Variants in NBAS observed in about 807,000 individuals in gnomAD.
NBAS encodes the protein NBAS subunit of NRZ tethering complex, also known as NAG/BC035112 fusion.
Under a neutral mutation model 302.5 loss-of-function variants are expected in NBAS, and 219 were observed. The ratio of observed to expected loss-of-function variants is 0.72; its 90% confidence interval spans 0.65 to 0.81. The LOEUF (loss-of-function observed/expected upper bound fraction) is 0.81, where lower values mean the gene tolerates loss of function less well. Among genes scored for constraint, NBAS ranks in the 30% least tolerant of loss-of-function variants. The probability of loss-of-function intolerance (pLI) is 0.00; values close to 1 mark genes in which losing one functional copy is unlikely to be tolerated. For missense variants in NBAS, 2,932 were observed against 2,841.6 expected, an observed-to-expected ratio of 1.03 and a Z score of -0.72; for synonymous variants, 1,118 against 1,021.6, an observed-to-expected ratio of 1.09 and a Z score of -1.80.
the NBAS span, among the ~76,000 whole-genome samples, chr2:15,152,297 C>T: frequency 6.6e-5 from 10 of 152,196 alleles, no homozygotes; most frequent in Admixed American, 2.0e-4. Flanking sequence ...GAGTGGCGTC[C>T]GTACCCAAGA....
chr2:15,149,247 C>T, the NBAS span, among the ~76,000 whole-genome samples: 1 of 152,184 alleles, frequency 6.6e-6, no homozygotes, highest in South Asian at 2.1e-4. Flanking sequence ...ACTCCATATG[C>T]CCTCTTGCCC....
Position 15,424,467 on chromosome 2 carries a change from T to C in NBAS, c.2425A>G (p.Met809Val). 6.2e-7 allele frequency: 1 copy of C among 1,614,022 alleles called. No individual in the cohort carries two copies. The highest frequency in any genetic ancestry group is 8.5e-7 in the Non-Finnish European group (1 of 1,179,932). Residue 809 changes from methionine to valine, a missense_variant and splice_region_variant, in exon 23 of 52, where the codon ATG becomes GTG. Physicochemically the swap from Met to Val is conservative, Grantham distance 21. Transcript: ENST00000281513. ...KDWCEELACRMVVEPNLQDES... is the reference protein window; with the variant it reads ...KDWCEELACRVVVEPNLQDES... ...TCTTGGAGATTCGGCTCAACAACCATTCTGTGAAGCACAAAAGGACCAATT... is the reference window on the plus strand; with the variant it reads ...TCTTGGAGATTCGGCTCAACAACCACTCTGTGAAGCACAAAAGGACCAATT...
the NBAS span, among the ~76,000 whole-genome samples, chr2:15,144,046 A>ATATATATATATATTATCCTAT: frequency 9.6e-6 from 1 of 104,578 alleles, no homozygotes; most frequent in Non-Finnish European, 1.7e-5. Flanking sequence ...CCTATATATA[A>ATATATATATATATTATCCTAT]AAATATATAT....
the NBAS span, among the ~76,000 whole-genome samples, chr2:15,160,585 C>T: frequency 0.46 from 42,250 of 92,076 alleles, 7,301 homozygotes; most frequent in Middle Eastern, 0.57. Context: ...CCAGTGTGGG[C>T]GGGGGGAGGG....
chr2:15,163,797 C>CTT (rs34305039), downstream of NBAS, among the ~76,000 whole-genome samples: 41,900 of 143,220 alleles, frequency 0.29, 6,242 homozygotes, highest in Middle Eastern at 0.35. Flanking sequence ...AGTATTACAA[C>CTT]TTTTTTTTTT....
chr2:15,368,501 ACT>A (rs1674332093), intron 31 of NBAS, among the ~76,000 whole-genome samples: 1 of 151,662 alleles, frequency 6.6e-6, no homozygotes, highest in South Asian at 2.1e-4. Context: ...CCTGGCCTAG[ACT>A]CTCTTAAAAT....
At chr2:15,075,558 T>C in the NBAS span, among the ~76,000 whole-genome samples, 1 of 152,188 alleles carries the variant, frequency 6.6e-6, no homozygotes, top group South Asian at 2.1e-4. Context: ...TTCCTCTCAT[T>C]CCTTCAGACT....
chr2:15,559,062 C>CACAAAAAAA (rs1664786101), intron 1 of NBAS, among the ~76,000 whole-genome samples: 1 of 50,404 alleles, frequency 2.0e-5, no homozygotes, highest in African/African-American at 7.6e-5. Flanking sequence ...GACCCTGCCT[C>CACAAAAAAA]AAAAAAAAAA....
chr2:15,042,927 C>T, the NBAS span, among the ~76,000 whole-genome samples: 6 of 152,188 alleles, frequency 3.9e-5, no homozygotes, highest in South Asian at 2.1e-4. Context: ...CCTGATGCAA[C>T]GACTTGACTC....
At chr2:15,224,029 G>A (rs924564467) in intron 47 of NBAS, among the ~76,000 whole-genome samples, 3 of 152,046 alleles carry the variant, frequency 2.0e-5, no homozygotes, top group Admixed American at 6.6e-5. Flanking sequence ...GTTTTGGTCC[G>A]AAAGATAGGA....
the NBAS span, among the ~76,000 whole-genome samples, chr2:14,889,590 A>T: frequency 1.3e-5 from 2 of 152,200 alleles, no homozygotes; most frequent in South Asian, 4.1e-4. Context: ...CATTCCTACC[A>T]TACAGGGAGT....
the NBAS span, among the ~76,000 whole-genome samples, chr2:14,796,844 G>A: frequency 6.8e-6 from 1 of 147,818 alleles, no homozygotes; most frequent in Non-Finnish European, 1.5e-5. Context: ...CCCATTGTGG[G>A]CTTATAAAAA....
chr2:15,356,230 CA>C (rs893140207), intron 33 of NBAS, 72 bp downstream of exon 33: 32 of 1,297,822 alleles, frequency 2.5e-5, no homozygotes, highest in Non-Finnish European at 3.6e-5. Context: ...CAATTGATTT[CA>C]GAACAGACCT....
At chr2:15,521,167 T>C (rs1662651853) in intron 9 of NBAS, among the ~76,000 whole-genome samples, 1 of 152,232 alleles carries the variant, frequency 6.6e-6, no homozygotes, top group Admixed American at 6.5e-5. Context: ...AACAATCTTA[T>C]GGCATTACTA....
chr2:14,794,859 A>G, the NBAS span, among the ~76,000 whole-genome samples: 1 of 152,176 alleles, frequency 6.6e-6, no homozygotes, highest in Non-Finnish European at 1.5e-5. Context: ...ATTCTATAGT[A>G]TGTACCTTTT....
At chr2:15,391,068 C>T (rs981054576) in intron 28 of NBAS, among the ~76,000 whole-genome samples, 7 of 151,936 alleles carry the variant, frequency 4.6e-5, no homozygotes, top group Admixed American at 2.6e-4. Flanking sequence ...CGAGATCGCA[C>T]CACTGCACTC....
chr2:14,980,237 C>A, the NBAS span, among the ~76,000 whole-genome samples: 2 of 152,088 alleles, frequency 1.3e-5, no homozygotes, highest in East Asian at 1.9e-4. Context: ...TGCCTCTTCT[C>A]AACCCTGAGC....
chr2:15,425,556 G>A (rs1677426760), intron 22 of NBAS, among the ~76,000 whole-genome samples: 1 of 151,956 alleles, frequency 6.6e-6, no homozygotes, highest in African/African-American at 2.4e-5. Flanking sequence ...TAAACATTGG[G>A]GCATTTTACC....
the NBAS span, among the ~76,000 whole-genome samples, chr2:14,916,792 G>A: frequency 1.3e-5 from 2 of 152,156 alleles, no homozygotes; most frequent in South Asian, 4.1e-4. Context: ...CAATCTCAGA[G>A]TCTGAGGTTA....
Sources: allele counts gnomAD v4.1 joint callset (sites outside exome capture counted in the v4.1 genomes callset), GRCh38; gene constraint gnomAD v4.1.1; transcripts MANE v1.5; gene names NCBI Gene and HGNC (gene_info 2026-07-23, HGNC 2026-07-21).